Variants in ABR observed in about 807,000 individuals in gnomAD.
ABR encodes ABR activator of RhoGEF and GTPase.
A neutral mutation model predicts 107.2 loss-of-function variants in ABR; 35 were observed. The ratio of observed to expected loss-of-function variants is 0.33; its 90% CI spans 0.25 to 0.43. The LOEUF (loss-of-function observed/expected upper bound fraction) is 0.43, where lower values mean the gene tolerates loss of function less well. Among genes scored for constraint, ABR ranks in the 20% least tolerant of loss-of-function variants. The pLI is 1.00. For synonymous variants in ABR, 498 were observed against 462.0 expected (o/e 1.08, Z -1.00); for missense variants, 815 against 1,115.2 (o/e 0.73, Z 3.83).
chr17:1,019,752 G>A (rs1038768709), intron 16 of ABR, among the ~76,000 whole-genome samples: 1 of 152,270 alleles, frequency 6.6e-6, no homozygotes, highest in Non-Finnish European at 1.5e-5. Context: ...GATTAGCACC[G>A]GGGTGGAGGG....
chr17:1,212,088 A>G (rs993087676), intron 1 of ABR, among the ~76,000 whole-genome samples: 3 of 149,906 alleles, frequency 2.0e-5, no homozygotes, highest in African/African-American at 5.1e-5. Flanking sequence ...ATCTCGAAAA[A>G]AAAAAAAATT....
intron 1 of ABR, among the ~76,000 whole-genome samples, chr17:1,161,990 C>A (rs200894509): frequency 6.6e-6 from 1 of 152,170 alleles, no homozygotes; most frequent in African/African-American, 2.4e-5. Context: ...CATTTCACTG[C>A]GGAGGCTCAT....
chr17:1,062,181 C>A (rs1312383316), intron 10 of ABR, among the ~76,000 whole-genome samples: 1 of 85,088 alleles, frequency 1.2e-5, no homozygotes, highest in Admixed American at 1.1e-4. Context: ...TGGTGCCTTC[C>A]TCTAGACACT....
intron 16 of ABR, chr17:1,039,705 C>T (rs900767730): frequency 6.6e-6 from 1 of 152,278 alleles, no homozygotes; most frequent in Admixed American, 6.5e-5. Context: ...CCTCCACGGT[C>T]CCTATGTGCC....
At chr17:1,064,015 C>G (rs867467368) in intron 10 of ABR, among the ~76,000 whole-genome samples, 56 of 142,722 alleles carry the variant, frequency 3.9e-4, no homozygotes, top group African/African-American at 1.4e-3. Flanking sequence ...ATGCATGTTC[C>G]TCTAGACACT....
chr17:1,039,655 T>C (rs1393100145), intron 16 of ABR: 1 of 151,942 alleles, frequency 6.6e-6, no homozygotes, highest in African/African-American at 2.4e-5. Flanking sequence ...TGGGAGGAAG[T>C]GGAGAGTCAG....
In ABR at chr17:1,027,602, C is replaced by T. The variant is rs189499966; in HGVS notation, c.1792-14438G>A. Among the ~76,000 whole-genome samples, 10 of 152,154 alleles carry T rather than the reference C, an allele frequency of 6.6e-5. No individual in the cohort carries two copies. Among genetic ancestry groups the T allele is most frequent in the African/African-American group, 1.9e-4 (8 of 41,512 alleles). On this transcript the variant is annotated intron_variant, in intron 16 of 22. Coordinates refer to ENST00000302538, the MANE Select transcript of ABR (RefSeq NM_021962.5). The surrounding 1 kb of genome is among the most constrained non-coding windows in gnomAD (Gnocchi z 4.7). ...GCTGTGGAAAAGAGGGAGGGTCGCCCGACCCCACTGCCAACCTGTCAGCCA... is the reference window on the plus strand; with the variant it reads ...GCTGTGGAAAAGAGGGAGGGTCGCCTGACCCCACTGCCAACCTGTCAGCCA...
At chr17:1,201,965 C>G (rs999793224) in intron 1 of ABR, among the ~76,000 whole-genome samples, 5 of 152,186 alleles carry the variant, frequency 3.3e-5, no homozygotes, top group African/African-American at 1.2e-4. Context: ...GCGTGAGCCA[C>G]CGCGCCCATC....
At chr17:1,203,276 C>A (rs1229707878) in intron 1 of ABR, among the ~76,000 whole-genome samples, 1 of 149,260 alleles carries the variant, frequency 6.7e-6, no homozygotes, top group African/African-American at 2.4e-5. Context: ...AGCCAGGCTC[C>A]CGCGCAGTCC....
intron 2 of ABR, among the ~76,000 whole-genome samples, chr17:1,108,467 C>T (rs535517677): frequency 6.6e-6 from 1 of 152,260 alleles, no homozygotes; most frequent in South Asian, 2.1e-4. Flanking sequence ...TTCCCTCCCC[C>T]CTTCAGCTGA....
chr17:1,043,547 G>T (rs1291786653), intron 16 of ABR, among the ~76,000 whole-genome samples: 1 of 152,130 alleles, frequency 6.6e-6, no homozygotes, highest in African/African-American at 2.4e-5. Context: ...TTTCAGTGGA[G>T]ATAGACTCTT....
At position 1,168,013 on chromosome 17, in the gene ABR, G is replaced by A. The variant is rs186472734; in HGVS notation, c.61+11654C>T. Among the ~76,000 whole-genome samples the A allele has an allele frequency of 1.5e-3, 219 of 150,696 alleles. 1 individual carries two copies. The highest frequency in any genetic ancestry group is 4.8e-3 in the African/African-American group (197 of 40,954). Reference sequence around the variant, plus strand: ...CTAAAAATACAAAAATTAGCCGGGCGTGGTGGCGCACGCCTGTAATCCCAG... The same window carrying A: ...CTAAAAATACAAAAATTAGCCGGGCATGGTGGCGCACGCCTGTAATCCCAG... On this transcript the variant is annotated intron_variant, in intron 1 of 22. Coordinates refer to ENST00000302538, the MANE Select transcript of ABR (RefSeq NM_021962.5).
At chr17:1,096,425 G>T (rs112618777) in intron 3 of ABR, among the ~76,000 whole-genome samples, 1,765 of 152,314 alleles carry the variant, frequency 0.012, 14 homozygotes, top group Middle Eastern at 0.024. Context: ...CCACCCCGAA[G>T]AGCAGAAGGT....
chr17:1,201,620 C>T (rs1271869194), intron 1 of ABR, among the ~76,000 whole-genome samples: 3 of 152,152 alleles, frequency 2.0e-5, no homozygotes, highest in African/African-American at 7.2e-5. Flanking sequence ...AAACCACACG[C>T]TTTGTTTTCT....
At chr17:1,060,211 G>A (rs564845549) in intron 10 of ABR, among the ~76,000 whole-genome samples, 1 of 152,238 alleles carries the variant, frequency 6.6e-6, no homozygotes, top group Non-Finnish European at 1.5e-5. Context: ...AGGAGTTCGA[G>A]ACCACCCTGG....
At chr17:1,188,554 A>T (rs1456622693), upstream of ABR, among the ~76,000 whole-genome samples, 1 of 151,936 alleles carries the variant, frequency 6.6e-6, no homozygotes, top group African/African-American at 2.4e-5. Flanking sequence ...CGTCTCAAAA[A>T]AAAAAAAAAA....
At chr17:1,100,526 G>A in intron 3 of ABR, 111 bp downstream of exon 3, 1 of 991,386 alleles carries the variant, frequency 1.0e-6, no homozygotes, top group South Asian at 1.4e-5. Flanking sequence ...TCCACAGGGA[G>A]GGACGGGTAC....
At chr17:1,096,217 G>T (rs1469532410) in intron 3 of ABR, among the ~76,000 whole-genome samples, 1 of 152,174 alleles carries the variant, frequency 6.6e-6, no homozygotes, top group South Asian at 2.1e-4. Context: ...AGGCCAGGAC[G>T]GAGGCTTCTG....
chr17:1,152,320 T>A (rs1040711274), intron 1 of ABR, among the ~76,000 whole-genome samples: 1 of 146,164 alleles, frequency 6.8e-6, no homozygotes, highest in African/African-American at 2.5e-5. Context: ...GCTGGGCTGG[T>A]GGCTGATGCC....
Sources: gnomAD v4.1 joint callset for allele counts (sites outside exome capture counted in the v4.1 genomes callset) on GRCh38, gnomAD v4.1.1 for gene constraint, Gnocchi (gnomAD v3.1) non-coding constraint, MANE v1.5 for transcripts, NCBI Gene and HGNC (gene_info 2026-07-23, HGNC 2026-07-21) for gene names.